PKNOX2: variants seen among roughly 807,000 people sequenced by gnomAD.
PKNOX2 encodes the protein PBX/knotted 1 homeobox 2, also known as homeobox protein PKNOX2.
A neutral mutation model predicts 53.1 loss-of-function variants in PKNOX2; 14 were observed. The observed-to-expected ratio is 0.26, with a 90% CI of 0.17 to 0.41. The LOEUF (loss-of-function observed/expected upper bound fraction) is 0.41, where lower values mean the gene tolerates loss of function less well. PKNOX2 is among the 10% of genes least tolerant of loss of function. The pLI, the probability that PKNOX2 is intolerant of heterozygous loss-of-function variation, is 1.00. For missense variants in PKNOX2, 496 were observed against 602.8 expected (o/e 0.82, Z 1.85); for synonymous variants, 257 against 242.8 (o/e 1.06, Z -0.54).
chr11:125,371,679 G>A (rs1453491922), intron 5 of PKNOX2, among the ~76,000 whole-genome samples: 2 of 152,142 alleles, frequency 1.3e-5, no homozygotes, highest in African/African-American at 4.8e-5. Flanking sequence ...TGCGAAGACT[G>A]CTCTGCTAAG....
chr11:125,246,376 A>G (rs1002115072), intron 2 of PKNOX2, among the ~76,000 whole-genome samples: 1 of 152,116 alleles, frequency 6.6e-6, no homozygotes, highest in Non-Finnish European at 1.5e-5. Flanking sequence ...TGACCTAAAC[A>G]CCTCTTGAAG....
chr11:125,235,467 G>C (rs1334483008), intron 2 of PKNOX2, among the ~76,000 whole-genome samples: 2 of 152,246 alleles, frequency 1.3e-5, no homozygotes, highest in African/African-American at 4.8e-5. Context: ...AATGAGAGGA[G>C]GAAGTGGCAA....
chr11:125,389,962 A>G (rs895630494), intron 6 of PKNOX2, among the ~76,000 whole-genome samples: 1 of 152,094 alleles, frequency 6.6e-6, no homozygotes, highest in African/African-American at 2.4e-5. Flanking sequence ...GAGGCTGTGG[A>G]TAAGGAGGCA....
chr11:125,409,993 T>G, intron 7 of PKNOX2: 1 of 631,236 alleles, frequency 1.6e-6, no homozygotes, highest in Non-Finnish European at 2.6e-6. Flanking sequence ...GTGACTCTTT[T>G]TGTTTTTGTT....
intron 2 of PKNOX2, among the ~76,000 whole-genome samples, chr11:125,324,675 G>A (rs971678309): frequency 6.6e-6 from 1 of 152,210 alleles, no homozygotes; most frequent in African/African-American, 2.4e-5. Context: ...GATCAGGAGG[G>A]AATTGCTGAG....
chr11:125,169,122 C>T (rs1004952284), intron 1 of PKNOX2, among the ~76,000 whole-genome samples: 5 of 152,142 alleles, frequency 3.3e-5, no homozygotes, highest in Non-Finnish European at 7.4e-5. Flanking sequence ...CTGGAGGTGA[C>T]GGCATGTGAA....
intron 6 of PKNOX2, among the ~76,000 whole-genome samples, chr11:125,389,943 C>T (rs992133749): frequency 4.6e-5 from 7 of 152,134 alleles, no homozygotes; most frequent in South Asian, 2.1e-4. Context: ...AGAGGCAGGG[C>T]CAGAGGCGGA....
At chr11:125,255,135 G>A (rs1182828266) in intron 2 of PKNOX2, among the ~76,000 whole-genome samples, 3 of 152,222 alleles carry the variant, frequency 2.0e-5, no homozygotes, top group African/African-American at 4.8e-5. Context: ...GAGGGAAAGT[G>A]ACTATCCTGG....
At chr11:125,361,226 G>T (rs990297606) in intron 4 of PKNOX2, among the ~76,000 whole-genome samples, 3 of 151,760 alleles carry the variant, frequency 2.0e-5, no homozygotes, top group Admixed American at 2.0e-4. Context: ...CTGCCCTCAA[G>T]GATCCTACAG....
intron 10 of PKNOX2, among the ~76,000 whole-genome samples, chr11:125,425,872 G>A (rs565525161): frequency 1.3e-5 from 2 of 151,626 alleles, no homozygotes; most frequent in Admixed American, 6.6e-5. Flanking sequence ...GCTGCTAAAC[G>A]CTGCTACTTA....
At chr11:125,378,794 C>A (rs1295704204) in intron 5 of PKNOX2, among the ~76,000 whole-genome samples, 1 of 152,204 alleles carries the variant, frequency 6.6e-6, no homozygotes, top group Non-Finnish European at 1.5e-5. Context: ...TCTCCCCTTG[C>A]CGGTGACCAC....
At chr11:125,307,260 A>G (rs1948523990) in intron 2 of PKNOX2, among the ~76,000 whole-genome samples, 1 of 152,220 alleles carries the variant, frequency 6.6e-6, no homozygotes, top group South Asian at 2.1e-4. Flanking sequence ...CAAGCAGACC[A>G]GAAGATGGAC....
At chr11:125,208,484 G>A (rs1216307339) in intron 1 of PKNOX2, among the ~76,000 whole-genome samples, 1 of 152,144 alleles carries the variant, frequency 6.6e-6, no homozygotes, top group Non-Finnish European at 1.5e-5. Flanking sequence ...TAATGTGTAA[G>A]GCAGATCAGA....
At chr11:125,332,450 T>C (rs1950197288) in intron 3 of PKNOX2, among the ~76,000 whole-genome samples, 1 of 152,206 alleles carries the variant, frequency 6.6e-6, no homozygotes, top group Non-Finnish European at 1.5e-5. Context: ...GAAATGGTTC[T>C]TTTGAATGTA....
chr11:125,182,734 C>A (rs1591472077), intron 1 of PKNOX2, among the ~76,000 whole-genome samples: 1 of 152,182 alleles, frequency 6.6e-6, no homozygotes, highest in Non-Finnish European at 1.5e-5. Flanking sequence ...AAATTCATGG[C>A]TCCTGGCCCA....
chr11:125,223,164 C>G (rs143085229), intron 1 of PKNOX2, among the ~76,000 whole-genome samples: 128 of 152,190 alleles, frequency 8.4e-4, no homozygotes, highest in African/African-American at 2.8e-3. Context: ...TGCCCTTTAA[C>G]TCTCTCCTAG....
intron 1 of PKNOX2, among the ~76,000 whole-genome samples, chr11:125,202,025 T>G (rs528337196): frequency 6.6e-6 from 1 of 152,350 alleles, no homozygotes; most frequent in South Asian, 2.1e-4. Flanking sequence ...GTTTCCTGTT[T>G]GCTAGGCCGG....
chr11:125,339,571 G>C (rs1320758100), intron 3 of PKNOX2, among the ~76,000 whole-genome samples: 1 of 152,136 alleles, frequency 6.6e-6, no homozygotes, highest in Admixed American at 6.6e-5. Context: ...GCCAAGTGGA[G>C]ACCGTCACAG....
intron 2 of PKNOX2, among the ~76,000 whole-genome samples, chr11:125,299,047 G>T (rs1947852228): frequency 6.6e-6 from 1 of 152,064 alleles, no homozygotes; most frequent in African/African-American, 2.4e-5. Flanking sequence ...ATCTTCTCGG[G>T]TTTGGGGAGG....
Sources: gnomAD v4.1 joint callset for allele counts (sites outside exome capture counted in the v4.1 genomes callset) on GRCh38, gnomAD v4.1.1 for gene constraint, MANE v1.5 for transcripts, NCBI Gene and HGNC (gene_info 2026-07-23, HGNC 2026-07-21) for gene names.